SPAG17: variants seen among roughly 807,000 people sequenced by gnomAD.
SPAG17 encodes the protein sperm associated antigen 17.
Under a neutral mutation model 273.6 loss-of-function variants are expected in SPAG17, and 169 were observed. The ratio of observed to expected loss-of-function variants is 0.62; its 90% CI spans 0.55 to 0.70. SPAG17 has a LOEUF of 0.70. Ranked by LOEUF, SPAG17 falls within the 30% of genes least tolerant of loss-of-function variation. SPAG17 has a pLI of 0.00. For synonymous variants in SPAG17, 825 were observed against 873.2 expected (o/e 0.94, Z 0.97); for missense variants, 2,557 against 2,627.8 (o/e 0.97, Z 0.59).
intron 10 of SPAG17, among the ~76,000 whole-genome samples, chr1:118,090,302 C>A (rs748476296): frequency 1.3e-5 from 2 of 152,062 alleles, no homozygotes; most frequent in Non-Finnish European, 2.9e-5. Flanking sequence ...ACACAGGAAG[C>A]CTCAGGAAAT....
intron 28 of SPAG17, among the ~76,000 whole-genome samples, chr1:118,022,082 T>C (rs1250454506): frequency 1.3e-5 from 2 of 152,120 alleles, no homozygotes; most frequent in African/African-American, 2.4e-5. Context: ...ATCTAGATCA[T>C]TAAAGGCATA....
chr1:118,116,421 T>C (rs1200352609), intron 3 of SPAG17, among the ~76,000 whole-genome samples: 1 of 152,168 alleles, frequency 6.6e-6, no homozygotes, highest in African/African-American at 2.4e-5. Flanking sequence ...TGTTCTGACA[T>C]GTTGCTTTTC....
At chr1:118,053,765 T>A (rs1233320800) in intron 20 of SPAG17, among the ~76,000 whole-genome samples, 1 of 151,982 alleles carries the variant, frequency 6.6e-6, no homozygotes, top group Non-Finnish European at 1.5e-5. Context: ...TGACAGCGTT[T>A]TTAAAAACCT....
Position 117,954,029 on chromosome 1 carries a change from T to C in SPAG17, c.*21A>G. 6.2e-7 allele frequency: 1 copy of C among 1,612,050 alleles called. No individual in the cohort carries two copies. The highest frequency in any genetic ancestry group is 8.5e-7 in the Non-Finnish European group (1 of 1,178,728). The stretch of plus-strand genomic sequence containing the variant: ...TAGGCTGAGAGGATTATGGAGGCTA[T>C]TGAGTTGTACCGAGAAGAAACTGCA... On this transcript the variant is annotated 3_prime_UTR_variant, in exon 49 of 49. Coordinates refer to ENST00000336338, the MANE Select transcript of SPAG17 (RefSeq NM_206996.4).
chr1:118,093,935 T>G (rs10923492), intron 7 of SPAG17, among the ~76,000 whole-genome samples: 9,366 of 152,260 alleles, frequency 0.062, 449 homozygotes, highest in East Asian at 0.26. Flanking sequence ...ACAAGCAAAT[T>G]GTAGCTCAGA....
chr1:118,070,782 TA>T (rs1653496668), intron 17 of SPAG17, among the ~76,000 whole-genome samples: 1 of 152,342 alleles, frequency 6.6e-6, no homozygotes, highest in East Asian at 1.9e-4. Context: ...GCCACCTTTT[TA>T]AAGTCTTGGA....
At chr1:118,020,929 C>T (rs1163305085) in intron 28 of SPAG17, among the ~76,000 whole-genome samples, 1 of 152,036 alleles carries the variant, frequency 6.6e-6, no homozygotes. Context: ...AGAACACAGG[C>T]TTATTTAATA....
chr1:118,160,845 TAAAG>T (rs1014783012), intron 1 of SPAG17, among the ~76,000 whole-genome samples: 9 of 152,278 alleles, frequency 5.9e-5, no homozygotes, highest in Admixed American at 1.3e-4. Flanking sequence ...AAAGAAGAGT[TAAAG>T]AAAGAGGATC....
chr1:118,118,855 A>G (rs1411232506), intron 3 of SPAG17, among the ~76,000 whole-genome samples: 1 of 152,228 alleles, frequency 6.6e-6, no homozygotes, highest in Non-Finnish European at 1.5e-5. Flanking sequence ...CTAAGAAATA[A>G]AAATATTTCC....
intron 48 of SPAG17, among the ~76,000 whole-genome samples, chr1:117,958,256 GAGA>G (rs1243961305): frequency 3.3e-5 from 5 of 152,204 alleles, no homozygotes; most frequent in Non-Finnish European, 5.9e-5. Context: ...ATAGTAGCAA[GAGA>G]AGAAGAATAA....
intron 29 of SPAG17, among the ~76,000 whole-genome samples, chr1:118,013,538 C>T (rs1339719404): frequency 1.3e-5 from 2 of 152,130 alleles, no homozygotes; most frequent in African/African-American, 4.8e-5. Context: ...AGGGATGTTG[C>T]TTAACCTGTT....
rs112244303 is a variant in SPAG17 at position 117,970,608 on chromosome 1, G to A, written c.6327-492C>T. ...GATGTCGAAGAACTTGAAAAGCTCC[G>A]AGCTCACACATGGTGCTTATTGATC... is the stretch of plus-strand genomic sequence containing the variant. On this transcript the variant is annotated intron_variant, in intron 45 of 48. Coordinates refer to ENST00000336338, the MANE Select transcript of SPAG17 (RefSeq NM_206996.4). 5.2e-3 allele frequency among the ~76,000 whole-genome samples: 786 copies of A among 152,230 alleles called. 6 individuals carry two copies. Among genetic ancestry groups the A allele is most frequent in the Admixed American group, 0.01 (153 of 15,294 alleles).
At chr1:117,971,452 C>G (rs528185884) in intron 45 of SPAG17, among the ~76,000 whole-genome samples, 1 of 152,180 alleles carries the variant, frequency 6.6e-6, no homozygotes, top group African/African-American at 2.4e-5. Flanking sequence ...ATTAAAAGCA[C>G]CTTTCAGATC....
intron 32 of SPAG17, among the ~76,000 whole-genome samples, chr1:118,003,610 A>G (rs1658552475): frequency 6.6e-6 from 1 of 152,072 alleles, no homozygotes; most frequent in Non-Finnish European, 1.5e-5. Context: ...CAAATCAGCT[A>G]TTGAAGCTTG....
chr1:118,141,181 AGGC>A (rs1489229782), intron 3 of SPAG17, among the ~76,000 whole-genome samples: 1 of 152,230 alleles, frequency 6.6e-6, no homozygotes, highest in Non-Finnish European at 1.5e-5. Flanking sequence ...AAATTATATG[AGGC>A]CAGGCAGTTA....
At chr1:117,995,586 T>C (rs1657559983) in intron 34 of SPAG17, among the ~76,000 whole-genome samples, 1 of 151,934 alleles carries the variant, frequency 6.6e-6, no homozygotes, top group African/African-American at 2.4e-5. Context: ...GGTGTATTAA[T>C]GTCATGCACA....
chr1:117,963,751 C>T lies in SPAG17; in HGVS notation c.*48G>A, dbSNP rs372408443. The T allele has an allele frequency of 3.2e-6, 5 of 1,563,200 alleles. No homozygotes were observed. In the African/African-American group the frequency reaches 5.5e-5, roughly 17 times the overall value. Reference sequence around the variant, plus strand: ...GGAAGAAACCTGGGGTCTAATACCTCAAATTTGAATGCTTGACAATCAAAT... The same window carrying T: ...GGAAGAAACCTGGGGTCTAATACCTTAAATTTGAATGCTTGACAATCAAAT... On this transcript the variant is annotated intron_variant, in intron 48 of 48. Transcript: ENST00000336338.
chr1:118,148,141 G>A (rs1659146532), intron 3 of SPAG17, among the ~76,000 whole-genome samples: 1 of 152,128 alleles, frequency 6.6e-6, no homozygotes, highest in Non-Finnish European at 1.5e-5. Context: ...CTCCCACAGT[G>A]CAGAGTTTCC....
chr1:117,997,173 C>A (rs543159779), intron 32 of SPAG17, among the ~76,000 whole-genome samples: 7 of 152,170 alleles, frequency 4.6e-5, no homozygotes, highest in Admixed American at 1.3e-4. Flanking sequence ...GGGTAGAATA[C>A]ATTGGGAAAT....
Sources: allele counts gnomAD v4.1 joint callset (sites outside exome capture counted in the v4.1 genomes callset), GRCh38; gene constraint gnomAD v4.1.1; transcripts MANE v1.5; gene names NCBI Gene and HGNC (gene_info 2026-07-23, HGNC 2026-07-21).